Variants in MGAM2 observed in about 807,000 individuals in gnomAD.
MGAM2 encodes the protein maltase-glucoamylase 2 (putative).
Under a neutral mutation model 96.1 loss-of-function variants are expected in MGAM2, and 98 were observed. The ratio of observed to expected loss-of-function variants is 1.02; its 90% CI spans 0.87 to 1.21. The LOEUF is 1.21. Ranked by LOEUF, MGAM2 falls within the 50% of genes most tolerant of loss-of-function variation. The pLI, the probability that MGAM2 is intolerant of heterozygous loss-of-function variation, is 0.00. For synonymous variants in MGAM2, 749 were observed against 414.8 expected, an observed-to-expected ratio of 1.81 and a Z score of -9.79; for missense variants, 2,055 against 1,182.4, an observed-to-expected ratio of 1.74 and a Z score of -10.82.
chr7:142,144,078 G>A (rs2129081645), intron 13 of MGAM2, 196 bp downstream of exon 13: 1 of 383,222 alleles, frequency 2.6e-6, no homozygotes, highest in Non-Finnish European at 4.7e-6. Context: ...TTCTTATCCT[G>A]CATCTTTCAT....
At chr7:142,159,084 G>A (rs1795817742) in intron 19 of MGAM2, among the ~76,000 whole-genome samples, 1 of 152,120 alleles carries the variant, frequency 6.6e-6, no homozygotes, top group African/African-American at 2.4e-5. Flanking sequence ...CAGCAGCATT[G>A]AGCAAAACAA....
At chr7:142,144,393 T>A (rs560690553) in intron 13 of MGAM2, among the ~76,000 whole-genome samples, 1 of 152,324 alleles carries the variant, frequency 6.6e-6, no homozygotes, top group East Asian at 1.9e-4. Context: ...TTGCCAAGAT[T>A]AGACATCACT....
intron 31 of MGAM2, among the ~76,000 whole-genome samples, chr7:142,174,332 G>A (rs1796295238): frequency 6.6e-6 from 1 of 152,038 alleles, no homozygotes; most frequent in Admixed American, 6.6e-5. Context: ...CCATTTGTTT[G>A]TATCATCTCT....
chr7:142,177,299 C>T (rs186057161), intron 32 of MGAM2, among the ~76,000 whole-genome samples: 43 of 152,264 alleles, frequency 2.8e-4, no homozygotes, highest in African/African-American at 1.0e-3. Flanking sequence ...CATCAGATCT[C>T]ATGAGACTTA....
chr7:142,183,417 G>A, intron 33 of MGAM2, 44 bp downstream of exon 33: 1 of 693,248 alleles, frequency 1.4e-6, no homozygotes. Flanking sequence ...ACATTACAAT[G>A]TCTTGAAATA....
At chr7:142,208,258 T>G (rs1253354177) in intron 45 of MGAM2, 1 of 507,976 alleles carries the variant, frequency 2.0e-6, no homozygotes, top group Non-Finnish European at 3.8e-6. Flanking sequence ...TATGACTACA[T>G]GCTTGCTGTC....
intron 46 of MGAM2, among the ~76,000 whole-genome samples, chr7:142,216,980 G>C (rs1051672722): frequency 2.0e-5 from 3 of 152,086 alleles, no homozygotes; most frequent in African/African-American, 7.2e-5. Flanking sequence ...CATGAATGTG[G>C]CTTTGTTCAA....
chr7:142,168,785 T>C (rs1291467585), intron 26 of MGAM2, among the ~76,000 whole-genome samples: 1 of 152,234 alleles, frequency 6.6e-6, no homozygotes, highest in Non-Finnish European at 1.5e-5. Flanking sequence ...TAAAATATTA[T>C]CATTTCACCT....
chr7:142,125,003 T>C lies in MGAM2; in HGVS notation c.186+4622T>C, dbSNP rs993417144. The stretch of plus-strand genomic sequence containing the variant: ...AATAACAGTTGGAAGTTTTTTCCAA[T>C]GTGCATTCCATTTTCTTCCATGTCT... On this transcript the variant is annotated intron_variant, in intron 3 of 47. Coordinates refer to ENST00000477922, the MANE Select transcript of MGAM2 (RefSeq NM_001293626.2). 2.0e-5 allele frequency among the ~76,000 whole-genome samples: 3 copies of C among 152,312 alleles called. 1 individual carries two copies. The highest frequency in any genetic ancestry group is 1.5e-5 in the Non-Finnish European group (1 of 68,014).
chr7:142,142,867 A>T (rs1358678671), intron 12 of MGAM2, among the ~76,000 whole-genome samples: 2 of 152,014 alleles, frequency 1.3e-5, no homozygotes, highest in African/African-American at 4.8e-5. Flanking sequence ...TTTTAAATGC[A>T]CTTAGTTGAA....
chr7:142,213,006 A>C (rs1482544594), intron 46 of MGAM2, among the ~76,000 whole-genome samples: 1 of 152,184 alleles, frequency 6.6e-6, no homozygotes, highest in African/African-American at 2.4e-5. Flanking sequence ...AGTGCAATCA[A>C]ATTAGAATTC....
chr7:142,134,150 G>A lies in MGAM2; in HGVS notation c.745G>A (p.Glu249Lys), dbSNP rs774022413. The change falls in exon 7 of 48, where the codon GAG becomes AAG. Residue 249 changes from glutamate to lysine, a missense_variant and splice_region_variant. Glu to Lys is a moderately conservative substitution (Grantham distance 56, BLOSUM62 1). Transcript: ENST00000477922. ...PIFTRDATPTEGMINLYGAHT... is the reference protein window; with the variant it reads ...PIFTRDATPTKGMINLYGAHT... ...CTTCACCCGGGACGCTACCCCCACCGAGGTGAGGTGGCTTTCCTCCTGAGT... is the reference window on the plus strand; with the variant it reads ...CTTCACCCGGGACGCTACCCCCACCAAGGTGAGGTGGCTTTCCTCCTGAGT... The A allele has an allele frequency of 2.4e-5, 18 of 739,070 alleles. No individual in the cohort carries two copies. In the East Asian group the frequency reaches 2.5e-4, roughly 10 times the overall value. The allele number at this position is 739,070 out of a possible 1,614,324, so 45.8% of individuals were successfully genotyped here.
chr7:142,188,991 A>T (rs1394087840), intron 36 of MGAM2, among the ~76,000 whole-genome samples: 1 of 152,256 alleles, frequency 6.6e-6, no homozygotes, highest in African/African-American at 2.4e-5. Flanking sequence ...AATCAGAAAG[A>T]TTTAGAGACA....
intron 17 of MGAM2, among the ~76,000 whole-genome samples, chr7:142,155,685 A>T (rs1363970052): frequency 6.6e-6 from 1 of 152,152 alleles, no homozygotes; most frequent in Non-Finnish European, 1.5e-5. Flanking sequence ...GGTGGCTGGG[A>T]GCAGGTGGGT....
intron 32 of MGAM2, among the ~76,000 whole-genome samples, chr7:142,178,263 T>G (rs1372499036): frequency 2.0e-5 from 3 of 152,212 alleles, no homozygotes; most frequent in Non-Finnish European, 4.4e-5. Flanking sequence ...TTTTAGGCCT[T>G]TGTCAGATTC....
Position 142,198,484 on chromosome 7 carries a change from T to C in MGAM2, c.4924-131T>C, listed in dbSNP as rs944928110. 1.9e-5 allele frequency: 11 copies of C among 592,724 alleles called. No homozygotes were observed. In the Middle Eastern group the frequency reaches 2.3e-3, roughly 125 times the overall value. The allele number at this position is 592,724 out of a possible 1,614,324, so 36.7% of individuals were successfully genotyped here. A position where few individuals can be genotyped will look rare whatever the true frequency, so the allele number is the denominator to read the frequency against. ...AGCAAAACTGAAAGATCAGAGATTT[T>C]CTCTTTAGGTTTGCAGTCTTTTGCT... On this transcript the variant is annotated intron_variant, in intron 43 of 47. Coordinates refer to ENST00000477922, the MANE Select transcript of MGAM2 (RefSeq NM_001293626.2).
chr7:142,112,119 C>T (rs541647769), intron 1 of MGAM2, among the ~76,000 whole-genome samples: 1 of 150,608 alleles, frequency 6.6e-6, no homozygotes, highest in Admixed American at 6.6e-5. Context: ...AAATTAAGGA[C>T]AGAGGAAACA....
chr7:142,188,308 T>A (rs1796766287), intron 36 of MGAM2, among the ~76,000 whole-genome samples: 1 of 152,166 alleles, frequency 6.6e-6, no homozygotes, highest in South Asian at 2.1e-4. Flanking sequence ...AAGTTGAATC[T>A]TCTCGTGTTG....
At chr7:142,132,398 TATATA>T (rs976374271) in intron 6 of MGAM2, among the ~76,000 whole-genome samples, 1 of 142,056 alleles carries the variant, frequency 7.0e-6, no homozygotes, top group Non-Finnish European at 1.5e-5. Context: ...AATATATAAT[TATATA>T]ATATAATAAT....
Sources: allele counts gnomAD v4.1 joint callset (sites outside exome capture counted in the v4.1 genomes callset), GRCh38; gene constraint gnomAD v4.1.1; transcripts MANE v1.5; gene names NCBI Gene and HGNC (gene_info 2026-07-23, HGNC 2026-07-21).